The following CCDC82 variants were observed in gnomAD, a reference collection of about 807,000 sequenced individuals.
CCDC82 encodes coiled-coil domain-containing protein 82.
A neutral mutation model predicts 60.6 loss-of-function variants in CCDC82; 47 were observed. The observed-to-expected ratio is 0.77, with a 90% confidence interval of 0.61 to 0.99. The LOEUF is 0.99. CCDC82 is among the 50% of genes least tolerant of loss of function. The pLI is 0.00. For synonymous variants in CCDC82, 212 were observed against 207.4 expected, an observed-to-expected ratio of 1.02 and a Z score of -0.19; for missense variants, 588 against 633.0, an observed-to-expected ratio of 0.93 and a Z score of 0.76.
At chr11:96,372,621 GATAT>G (rs984049971) in intron 6 of CCDC82, among the ~76,000 whole-genome samples, 1 of 141,248 alleles carries the variant, frequency 7.1e-6, no homozygotes, top group Non-Finnish European at 1.5e-5. Flanking sequence ...GAGAAATGGG[GATAT>G]ATATATATAA....
chr11:96,355,351 C>CA (rs1326111582), intron 9 of CCDC82: 1 of 152,136 alleles, frequency 6.6e-6, no homozygotes, highest in Non-Finnish European at 1.5e-5. Context: ...TGCACCACCA[C>CA]ACACAGCTAG....
intron 8 of CCDC82, among the ~76,000 whole-genome samples, chr11:96,360,873 T>C (rs1483212751): frequency 6.6e-6 from 1 of 152,268 alleles, no homozygotes; most frequent in Non-Finnish European, 1.5e-5. Context: ...AAACTGTATT[T>C]TGGACATTTT....
chr11:96,367,256 A>G (rs1864997583), intron 7 of CCDC82, among the ~76,000 whole-genome samples: 1 of 152,208 alleles, frequency 6.6e-6, no homozygotes, highest in Non-Finnish European at 1.5e-5. Context: ...CTTTCATGAA[A>G]GATTTCTCTG....
At position 96,364,993 on chromosome 11, in the gene CCDC82, G is replaced by C. The variant is rs1239701750; in HGVS notation, c.1367C>G (p.Ser456Ter). The C allele has an allele frequency of 1.3e-5, 21 of 1,598,948 alleles. No homozygotes were observed. Among genetic ancestry groups the C allele is most frequent in the African/African-American group, 2.7e-5 (2 of 74,258 alleles). Residue 456 changes from serine to a stop codon, truncating the protein, a stop_gained, in exon 8 of 10, where the codon TCA becomes TGA. Transcript: ENST00000646818. LOFTEE classifies it high-confidence loss of function. ...TRTMQIDNFM[S>*]HDKQVFTVGR... ...GGAAGAAAATACCTGTTTATCATGT[G>C]ACATGAAATTATCTATTTGCATGGT... is the stretch of plus-strand genomic sequence containing the variant.
At chr11:96,387,854 CATCTT>C (rs1348172349) in intron 1 of CCDC82, 1 of 152,172 alleles carries the variant, frequency 6.6e-6, no homozygotes, top group Non-Finnish European at 1.5e-5. Flanking sequence ...TCCCTCTTAT[CATCTT>C]ATTAATAACA....
chr11:96,379,863 C>T (rs553586623), intron 5 of CCDC82, among the ~76,000 whole-genome samples: 16 of 151,806 alleles, frequency 1.1e-4, no homozygotes, highest in Middle Eastern at 6.8e-3. Context: ...TTCTGCTTAA[C>T]GACTGGACTG....
chr11:96,363,627 T>C (rs1008801194), intron 8 of CCDC82: 5 of 152,192 alleles, frequency 3.3e-5, no homozygotes, highest in African/African-American at 4.8e-5. Context: ...GATAAACTTA[T>C]AGACATTGAG....
In CCDC82 at chr11:96,359,143, G is replaced by C. The variant is rs1452536903; in HGVS notation, c.1416C>G (p.Thr472=). The change falls in exon 9 of 10, where the codon ACC becomes ACG. Residue 472 remains threonine, a synonymous_variant. Coordinates refer to ENST00000646818, the MANE Select transcript of CCDC82 (RefSeq NM_024725.4). ...AATGTTTCAGTTTATGATAAATTCT[G>C]GTACGGCTGGCACAAATTCTGCCAA... ...FTVGRICASR[T]RIYHKLKHFK... 1 of 1,584,404 alleles carries C rather than the reference G, an allele frequency of 6.3e-7. No individual in the cohort carries two copies. Among genetic ancestry groups the C allele is most frequent in the Non-Finnish European group, 8.5e-7 (1 of 1,171,260 alleles).
At chr11:96,378,820 T>C (rs558562417) in intron 5 of CCDC82, among the ~76,000 whole-genome samples, 4 of 151,992 alleles carry the variant, frequency 2.6e-5, no homozygotes, top group African/African-American at 7.2e-5. Context: ...TTTCCAAGAA[T>C]TGTAGTTTCA....
In CCDC82 at chr11:96,383,406, T is replaced by C; in HGVS notation, c.854A>G (p.Glu285Gly). The change falls in exon 5 of 10, where the codon GAA (glutamate) becomes GGA (glycine). Residue 285 changes from glutamate to glycine, a missense_variant. By Grantham distance (98) the Glu-to-Gly change is moderately conservative (BLOSUM62 -2). Coordinates refer to ENST00000646818, the MANE Select transcript of CCDC82 (RefSeq NM_024725.4). ...ATAATCATCTCCATCTTCATCAGAT[T>C]CATAATTATCCTCTTCTTCCTCCTC... ...VDEEEEEDNY[E>G]SDEDGDDYII... 2 of 1,602,544 alleles carry C rather than the reference T, an allele frequency of 1.2e-6. No homozygotes were observed. The highest frequency in any genetic ancestry group is 1.7e-6 in the Non-Finnish European group (2 of 1,172,988).
Position 96,384,214 on chromosome 11 carries a change from C to T in CCDC82, c.534G>A (p.Lys178=). 1.2e-6 allele frequency: 2 copies of T among 1,613,774 alleles called. No homozygotes were observed. Among genetic ancestry groups the T allele is most frequent in the Non-Finnish European group, 1.7e-6 (2 of 1,179,846 alleles). The change falls in exon 4 of 10, where the codon AAG becomes AAA. Residue 178 remains lysine, a synonymous_variant. Coordinates refer to ENST00000646818, the MANE Select transcript of CCDC82 (RefSeq NM_024725.4). ...AGGATAGCCTTTTTCTTTTTCCTCG[C>T]TTGATGTCTTCTTCTTCTAAATCAT... The part of the protein sequence containing the change: ...IEDDLEEEDI[K]RGKRKRLSSV...
intron 5 of CCDC82, chr11:96,381,964 C>T (rs1865898985): frequency 6.6e-6 from 1 of 151,776 alleles, no homozygotes; most frequent in Admixed American, 6.6e-5. Context: ...ACTATGCACT[C>T]ACAGTAAAAA....
chr11:96,369,583 C>A (rs2136126066), intron 7 of CCDC82, among the ~76,000 whole-genome samples: 1 of 152,260 alleles, frequency 6.6e-6, no homozygotes, highest in Middle Eastern at 3.4e-3. Context: ...AAATTAAGTT[C>A]ACTATTATAT....
chr11:96,354,667 G>C (rs935551888), intron 9 of CCDC82: 3 of 152,148 alleles, frequency 2.0e-5, no homozygotes, highest in African/African-American at 7.2e-5. Flanking sequence ...GTTAAGAGAG[G>C]GGTCAAGAAT....
At chr11:96,373,311 G>C in intron 6 of CCDC82, 64 bp downstream of exon 6, 1 of 989,698 alleles carries the variant, frequency 1.0e-6, no homozygotes, top group South Asian at 1.4e-5. Flanking sequence ...TTTTAAAAGT[G>C]AGGTTGTTTT....
chr11:96,361,257 A>G (rs534270767), intron 8 of CCDC82, among the ~76,000 whole-genome samples: 111 of 152,336 alleles, frequency 7.3e-4, no homozygotes, highest in African/African-American at 2.6e-3. Flanking sequence ...TTTCACATTT[A>G]TTCTGTATTT....
intron 5 of CCDC82, chr11:96,382,286 TCA>T (rs2136196098): frequency 6.6e-6 from 1 of 151,952 alleles, no homozygotes; most frequent in South Asian, 2.1e-4. Flanking sequence ...AGTAAGCCTG[TCA>T]GTTCAAAAAG....
In CCDC82 at chr11:96,384,007, T is replaced by C; in HGVS notation, c.741A>G (p.Ser247=). ...REKLQKLKEL[S]KQRSRQRRSS... is the part of the protein sequence containing the mutation. ...TGCGTCTCTGACGAGATCTTTGTTT[T>C]GAGAGTTCTTTGAGCTTCTGAAGTT... Residue 247 remains serine, a synonymous_variant, in exon 4 of 10, where the codon TCA becomes TCG. Coordinates refer to ENST00000646818, the MANE Select transcript of CCDC82 (RefSeq NM_024725.4). 1 of 1,613,426 alleles carries C rather than the reference T, an allele frequency of 6.2e-7. No individual in the cohort carries two copies.
At chr11:96,374,713 A>AT (rs1865476973) in intron 5 of CCDC82, among the ~76,000 whole-genome samples, 1 of 152,112 alleles carries the variant, frequency 6.6e-6, no homozygotes, top group Middle Eastern at 3.2e-3. Flanking sequence ...TCACCCAGGA[A>AT]TTAGACCCAG....
Sources: allele counts gnomAD v4.1 joint callset (sites outside exome capture counted in the v4.1 genomes callset), GRCh38; gene constraint gnomAD v4.1.1; transcripts MANE v1.5; gene names NCBI Gene and HGNC (gene_info 2026-07-23, HGNC 2026-07-21).